The following TRIM54 variants were observed in gnomAD, a reference collection of about 807,000 sequenced individuals.
The protein encoded by TRIM54 is tripartite motif containing 54.
A neutral mutation model predicts 42.0 loss-of-function variants in TRIM54; 40 were observed. That is an observed-to-expected ratio of 0.95 (90% confidence interval 0.74 to 1.24). TRIM54 has a LOEUF of 1.24. Ranked by LOEUF, TRIM54 falls within the 50% of genes most tolerant of loss-of-function variation. The pLI is 0.00. For synonymous variants in TRIM54, 199 were observed against 194.9 expected (o/e 1.02, Z -0.17); for missense variants, 485 against 480.3 (o/e 1.01, Z -0.09).
intron 1 of TRIM54, among the ~76,000 whole-genome samples, chr2:27,283,778 A>ACGCGCG (rs796470453): frequency 1.8e-4 from 18 of 102,278 alleles, no homozygotes; most frequent in African/African-American, 4.9e-4. Flanking sequence ...ACACACACAC[A>ACGCGCG]CGCGCGCACA....
At chr2:27,291,640 T>C (rs958923272) in intron 1 of TRIM54, among the ~76,000 whole-genome samples, 2 of 152,204 alleles carry the variant, frequency 1.3e-5, no homozygotes, top group Non-Finnish European at 2.9e-5. Flanking sequence ...AATTTTACTA[T>C]TTTATTACAA....
intron 1 of TRIM54, 38 bp downstream of exon 1, chr2:27,282,937 T>C (rs376677423): frequency 1.9e-6 from 3 of 1,583,454 alleles, no homozygotes; most frequent in Non-Finnish European, 2.6e-6. Context: ...GGTAAAGCAA[T>C]GCAGACCTGT....
At chr2:27,295,814 C>T (rs1445755267) in intron 1 of TRIM54, among the ~76,000 whole-genome samples, 1 of 152,122 alleles carries the variant, frequency 6.6e-6, no homozygotes, top group Non-Finnish European at 1.5e-5. Flanking sequence ...GAGACTGCAG[C>T]CTTAGAGTTC....
intron 5 of TRIM54, 83 bp from the exon 6 acceptor site, chr2:27,305,997 G>C: frequency 6.4e-7 from 1 of 1,574,526 alleles, no homozygotes; most frequent in Admixed American, 1.8e-5. Flanking sequence ...CACCTACCCC[G>C]CAGGACTGTG....
At chr2:27,286,530 T>C (rs1678563432) in intron 1 of TRIM54, among the ~76,000 whole-genome samples, 1 of 152,224 alleles carries the variant, frequency 6.6e-6, no homozygotes, top group Non-Finnish European at 1.5e-5. Context: ...TCTTCCCATG[T>C]GTTTCTGTAT....
Position 27,299,267 on chromosome 2 carries a change from C to T in TRIM54, c.364C>T (p.Gln122Ter), listed in dbSNP as rs903519219. 6 of 1,613,948 alleles carry T rather than the reference C, an allele frequency of 3.7e-6. No individual in the cohort carries two copies. The highest frequency in any genetic ancestry group is 1.7e-5 in the Admixed American group (1 of 60,006). ...SSRPLHSKAE[Q>*]HLMCEEHEEE... ...TAGGCCGCTGCACTCCAAGGCTGAG[C>T]AGCACCTCATGTGCGAGGAGCATGA... The change falls in exon 3 of 9, where the codon CAG becomes TAG. Residue 122 changes from glutamine to a stop codon, truncating the protein, a stop_gained. Coordinates refer to ENST00000380075, the MANE Select transcript of TRIM54 (RefSeq NM_187841.3). LOFTEE classifies it high-confidence loss of function.
Position 27,282,849 on chromosome 2 carries a change from C to T in TRIM54, c.118C>T (p.Leu40=), listed in dbSNP as rs1276459232. 1 of 1,613,868 alleles carries T rather than the reference C, an allele frequency of 6.2e-7. No individual in the cohort carries two copies. Among genetic ancestry groups the T allele is most frequent in the African/African-American group, 1.3e-5 (1 of 74,928 alleles). The change falls in exon 1 of 9, where the codon CTG becomes TTG. Residue 40 remains leucine, a synonymous_variant. Coordinates refer to ENST00000380075, the MANE Select transcript of TRIM54 (RefSeq NM_187841.3). ...LEMFSKPVVI[L]PCQHNLCRKC... is the part of the protein sequence containing the mutation. ...GATGTTCTCCAAACCAGTGGTGATCCTGCCCTGCCAACACAACCTGTGCCG... is the reference window on the plus strand; with the variant it reads ...GATGTTCTCCAAACCAGTGGTGATCTTGCCCTGCCAACACAACCTGTGCCG...
intron 1 of TRIM54, among the ~76,000 whole-genome samples, chr2:27,291,501 A>G (rs1313942321): frequency 6.6e-6 from 1 of 152,220 alleles, no homozygotes; most frequent in African/African-American, 2.4e-5. Context: ...CACATAAAAA[A>G]TCTTGAACAT....
rs1354038057 is a variant in TRIM54, at chr2:27,306,951, CGCA to C, written c.*70_*72del. The stretch of plus-strand genomic sequence containing the variant: ...AGTCGGGGAGGATCTGCGCAGAGAC[CGCA>C]GCATCACCCAAATCGGCGCCGGCCC... On this transcript the variant is annotated 3_prime_UTR_variant, in exon 9 of 9. Coordinates refer to ENST00000380075, the MANE Select transcript of TRIM54 (RefSeq NM_187841.3). The surrounding 1 kb of genome is among the most constrained non-coding windows in gnomAD (Gnocchi z 6.1). 1 of 265,490 alleles carries C rather than the reference CGCA, an allele frequency of 3.8e-6. No individual in the cohort carries two copies. The highest frequency in any genetic ancestry group is 2.3e-5 in the African/African-American group (1 of 44,214). 16.4% of individuals were successfully genotyped at this position (265,490 alleles called of 1,614,324 possible).
chr2:27,304,613 G>A (rs1220696662), intron 3 of TRIM54: 2 of 220,100 alleles, frequency 9.1e-6, no homozygotes, highest in African/African-American at 4.4e-5. Flanking sequence ...GAATAGAGAA[G>A]AGGCAATATT....
chr2:27,302,793 A>G (rs62130713), intron 3 of TRIM54, among the ~76,000 whole-genome samples: 39,394 of 152,024 alleles, frequency 0.26, 5,474 homozygotes, highest in South Asian at 0.34. Context: ...CTCTGTCTCG[A>G]AAATAAAATA....
chr2:27,305,945 T>C, intron 5 of TRIM54, 128 bp downstream of exon 5: 3 of 1,394,862 alleles, frequency 2.2e-6, no homozygotes, highest in East Asian at 2.5e-5. Flanking sequence ...AGTCACCCCC[T>C]CTGAGTTCGT....
chr2:27,305,109 G>A, intron 4 of TRIM54, 55 bp downstream of exon 4: 10 of 1,484,072 alleles, frequency 6.7e-6, no homozygotes, highest in Admixed American at 3.7e-5. Context: ...TGCGGACCCC[G>A]GGCTCCCAAG....
At chr2:27,297,491 T>G (rs906047550) in intron 1 of TRIM54, among the ~76,000 whole-genome samples, 2 of 152,126 alleles carry the variant, frequency 1.3e-5, no homozygotes, top group Non-Finnish European at 2.9e-5. Flanking sequence ...AAGTGATGGG[T>G]GTCTGTTAAG....
chr2:27,289,568 C>CG (rs1367483062), intron 1 of TRIM54, among the ~76,000 whole-genome samples: 2 of 152,190 alleles, frequency 1.3e-5, no homozygotes, highest in Non-Finnish European at 2.9e-5. Flanking sequence ...CTGCCCGCCT[C>CG]GGCCTCCCAG....
Position 27,282,575 on chromosome 2 carries a change from G to T in TRIM54, c.-157G>T. Reference sequence around the variant, plus strand: ...GAGACTGTCCGAAGACTGCTATCTGGGACGAGACAAGTTGTTAAAGGGACA... The same window carrying T: ...GAGACTGTCCGAAGACTGCTATCTGTGACGAGACAAGTTGTTAAAGGGACA... On this transcript the variant is annotated 5_prime_UTR_variant, in exon 1 of 9. Coordinates refer to ENST00000380075, the MANE Select transcript of TRIM54 (RefSeq NM_187841.3). The T allele has an allele frequency of 2.7e-6, 2 of 742,848 alleles. No homozygotes were observed. Among genetic ancestry groups the T allele is most frequent in the East Asian group, 5.7e-5 (2 of 35,204 alleles). 46.0% of individuals were successfully genotyped at this position (742,848 alleles called of 1,614,324 possible).
intron 3 of TRIM54, chr2:27,299,708 C>CTATG (rs1678977985): frequency 1.1e-5 from 7 of 616,104 alleles, no homozygotes; most frequent in Non-Finnish European, 2.0e-5. Flanking sequence ...ATCTATCTAT[C>CTATG]TATCTATCAT....
At chr2:27,298,135 AC>A (rs1283474545) in intron 1 of TRIM54, among the ~76,000 whole-genome samples, 1 of 151,896 alleles carries the variant, frequency 6.6e-6, no homozygotes, top group African/African-American at 2.4e-5. Context: ...ATCTGCTTGT[AC>A]CCCTGCCCAG....
rs916693542 is a variant in TRIM54 at position 27,306,794 on chromosome 2, GA to G, written c.*2-90del. The G allele has an allele frequency of 2.2e-5, 12 of 551,800 alleles. No homozygotes were observed. The highest frequency in any genetic ancestry group is 3.2e-5 in the Non-Finnish European group (10 of 313,654). 34.2% of individuals were successfully genotyped at this position (551,800 alleles called of 1,614,324 possible). ...CAGGCAAGGCAGGCTGAGTAGAGGA[GA>G]AACCCACGTGGCGGGGGACGGAGTG... On this transcript the variant is annotated intron_variant, in intron 8 of 8. Transcript: ENST00000380075. This position sits in a 1 kb window ranked among gnomAD's most constrained non-coding sequence, Gnocchi z 6.1.
Sources: allele counts gnomAD v4.1 joint callset (sites outside exome capture counted in the v4.1 genomes callset), GRCh38; gene constraint gnomAD v4.1.1; non-coding constraint Gnocchi (gnomAD v3.1); transcripts MANE v1.5; gene names NCBI Gene and HGNC (gene_info 2026-07-23, HGNC 2026-07-21).